The following SH3D19 variants were observed in gnomAD, a reference collection of about 807,000 sequenced individuals.
SH3D19 encodes the protein SH3 domain containing 19, also known as SH3 domain-containing protein 19.
A neutral mutation model predicts 112.1 loss-of-function variants in SH3D19; 58 were observed. That is an observed-to-expected ratio of 0.52 (90% CI 0.42 to 0.64). The LOEUF (loss-of-function observed/expected upper bound fraction) is 0.64, where lower values mean the gene tolerates loss of function less well. Ranked by LOEUF, SH3D19 falls within the 30% of genes least tolerant of loss-of-function variation. The probability of loss-of-function intolerance (pLI) is 0.00; values close to 1 mark genes in which losing one functional copy is unlikely to be tolerated. For synonymous variants in SH3D19, 391 were observed against 448.5 expected (o/e 0.87, Z 1.62); for missense variants, 1,090 against 1,263.4 (o/e 0.86, Z 2.08).
intron 7 of SH3D19, among the ~76,000 whole-genome samples, chr4:151,170,998 T>C (rs1484258786): frequency 6.6e-6 from 1 of 152,222 alleles, no homozygotes; most frequent in Non-Finnish European, 1.5e-5. Flanking sequence ...TCTTGGAGGT[T>C]GGTCCAAAGT....
intron 1 of SH3D19, among the ~76,000 whole-genome samples, chr4:151,321,979 AG>A (rs1730572186): frequency 6.6e-6 from 1 of 152,168 alleles, no homozygotes; most frequent in South Asian, 2.1e-4. Flanking sequence ...ACTCTCTGTC[AG>A]GTCAGGCAAT....
intron 1 of SH3D19, among the ~76,000 whole-genome samples, chr4:151,259,071 C>T (rs1348061048): frequency 6.6e-6 from 1 of 152,100 alleles, no homozygotes; most frequent in Non-Finnish European, 1.5e-5. Flanking sequence ...CATTCTCCCA[C>T]TAGGAGGTCT....
intron 4 of SH3D19, among the ~76,000 whole-genome samples, chr4:151,177,472 C>T (rs1760128976): frequency 6.6e-6 from 1 of 152,154 alleles, no homozygotes; most frequent in South Asian, 2.1e-4. Context: ...CCTCAGCCTC[C>T]CGAGCAGCTG....
intron 2 of SH3D19, among the ~76,000 whole-genome samples, chr4:151,187,978 G>C (rs1402197154): frequency 1.3e-5 from 2 of 151,928 alleles, no homozygotes; most frequent in African/African-American, 2.4e-5. Flanking sequence ...CAGACTCCCT[G>C]TCTCTCTCTC....
intron 8 of SH3D19, among the ~76,000 whole-genome samples, chr4:151,161,726 C>A (rs1489316489): frequency 4.0e-5 from 6 of 148,174 alleles, no homozygotes; most frequent in African/African-American, 1.5e-4. Context: ...TTGGTGTGCT[C>A]CTGTGGCCAA....
At position 151,223,312 on chromosome 4, in the gene SH3D19, AATG is replaced by A. The variant is rs546430266; in HGVS notation, c.152+2732_152+2734del. ...TCAACTATTACTTTGAGAATTACAA[AATG>A]ATGATTTTCTAAGTTCTGTCATTTC... On this transcript the variant is annotated intron_variant, in intron 2 of 19. Transcript: ENST00000604030. Among the ~76,000 whole-genome samples, 345 of 152,182 alleles carry A rather than the reference AATG, an allele frequency of 2.3e-3. 1 individual carries two copies. The highest frequency in any genetic ancestry group is 7.0e-3 in the African/African-American group (291 of 41,512).
Position 151,236,447 on chromosome 4 carries a change from G to A in SH3D19, c.113-10361C>T, listed in dbSNP as rs1166216840. 4.6e-5 allele frequency among the ~76,000 whole-genome samples: 7 copies of A among 152,360 alleles called. No homozygotes were observed. In the East Asian group the frequency reaches 1.2e-3, roughly 25 times the overall value. ...GGCCATTGAGAGGTGAAGCCAGCTG[G>A]GCTTCTGGGTCGGGTGGGGACTTGG... On this transcript the variant is annotated intron_variant, in intron 1 of 19. Transcript: ENST00000604030.
At chr4:151,321,065 C>CATG (rs1486387930) in intron 1 of SH3D19, among the ~76,000 whole-genome samples, 1 of 152,084 alleles carries the variant, frequency 6.6e-6, no homozygotes, top group African/African-American at 2.4e-5. Context: ...CCCACAGCTA[C>CATG]ATGTAACAAT....
intron 1 of SH3D19, among the ~76,000 whole-genome samples, chr4:151,268,007 T>C (rs796320078): frequency 3.8e-4 from 58 of 152,312 alleles, no homozygotes; most frequent in African/African-American, 1.4e-3. Context: ...GTACATGACA[T>C]GTTGCTTAAT....
chr4:151,231,207 T>C (rs1213741070), intron 1 of SH3D19, among the ~76,000 whole-genome samples: 1 of 152,222 alleles, frequency 6.6e-6, no homozygotes, highest in Non-Finnish European at 1.5e-5. Context: ...CATCTTACTT[T>C]GGTGATTCTT....
rs143538019 is a variant in SH3D19, at chr4:151,146,816, G to A, written c.2082+1106C>T. ...CCCAAAGTGCTGGGATTACAGGCATGAGCCACCACCCAGCAACTCTGTTTT... is the reference window on the plus strand; with the variant it reads ...CCCAAAGTGCTGGGATTACAGGCATAAGCCACCACCCAGCAACTCTGTTTT... On this transcript the variant is annotated intron_variant, in intron 11 of 19. Coordinates refer to ENST00000604030, the MANE Select transcript of SH3D19 (RefSeq NM_001378122.1). Among the ~76,000 whole-genome samples, 461 of 152,312 alleles carry A rather than the reference G, an allele frequency of 3.0e-3. 22 individuals are homozygous for A. In the East Asian group the frequency reaches 0.085, roughly 28 times the overall value.
chr4:151,152,305 G>C (rs1027462883), intron 9 of SH3D19, among the ~76,000 whole-genome samples: 6 of 152,152 alleles, frequency 3.9e-5, no homozygotes, highest in South Asian at 4.2e-4. Flanking sequence ...TAACCTCAAG[G>C]CTCTCTGCAT....
chr4:151,312,336 C>G (rs932530786), intron 1 of SH3D19, among the ~76,000 whole-genome samples: 1 of 152,162 alleles, frequency 6.6e-6, no homozygotes, highest in African/African-American at 2.4e-5. Context: ...CAATCAACAT[C>G]ATATTTTTAA....
At chr4:151,126,611 T>C (rs183558996) in intron 19 of SH3D19, among the ~76,000 whole-genome samples, 2,416 of 151,708 alleles carry the variant, frequency 0.016, 33 homozygotes, top group Non-Finnish European at 0.024. Flanking sequence ...TTCACTAACA[T>C]GGTGAAACCT....
intron 1 of SH3D19, among the ~76,000 whole-genome samples, chr4:151,307,899 C>T (rs1729077374): frequency 6.6e-6 from 1 of 152,080 alleles, no homozygotes; most frequent in Non-Finnish European, 1.5e-5. Context: ...TACGTTAAAC[C>T]ATCTTTATTT....
chr4:151,172,397 G>A (rs1451826258), intron 7 of SH3D19, among the ~76,000 whole-genome samples: 1 of 152,198 alleles, frequency 6.6e-6, no homozygotes, highest in Non-Finnish European at 1.5e-5. Context: ...GATTGTGATA[G>A]GATTGTCTGA....
chr4:151,301,470 G>A (rs576801960), intron 1 of SH3D19, among the ~76,000 whole-genome samples: 43 of 152,190 alleles, frequency 2.8e-4, no homozygotes, highest in Non-Finnish European at 4.1e-4. Flanking sequence ...CAGGTGATCC[G>A]CCCGCCTCAG....
At chr4:151,124,375 G>A (rs981952519) in intron 19 of SH3D19, among the ~76,000 whole-genome samples, 1 of 151,898 alleles carries the variant, frequency 6.6e-6, no homozygotes, top group Non-Finnish European at 1.5e-5. Context: ...CCAAAGTGCT[G>A]GGATTACAGC....
intron 1 of SH3D19, chr4:151,282,473 T>G: frequency 6.4e-7 from 1 of 1,561,492 alleles, no homozygotes; most frequent in Non-Finnish European, 8.8e-7. Flanking sequence ...TCCAGAACAT[T>G]CATATTCTAG....
Sources: gnomAD v4.1 joint callset for allele counts (sites outside exome capture counted in the v4.1 genomes callset) on GRCh38, gnomAD v4.1.1 for gene constraint, MANE v1.5 for transcripts, NCBI Gene and HGNC (gene_info 2026-07-23, HGNC 2026-07-21) for gene names.